The following GALNT17 variants were observed in gnomAD, a reference collection of about 807,000 sequenced individuals.
The protein encoded by GALNT17 is UDP-GalNAc:polypeptide N-acetylgalactosaminyltransferase-like 3.
Under a neutral mutation model 63.7 loss-of-function variants are expected in GALNT17, and 29 were observed. The ratio of observed to expected loss-of-function variants is 0.46; its 90% CI spans 0.34 to 0.62. The LOEUF is 0.62. Ranked by LOEUF, GALNT17 falls within the 20% of genes least tolerant of loss-of-function variation. The probability of loss-of-function intolerance (pLI) is 0.01; values close to 1 mark genes in which losing one functional copy is unlikely to be tolerated. For synonymous variants in GALNT17, 305 were observed against 318.3 expected, an observed-to-expected ratio of 0.96 and a Z score of 0.45; for missense variants, 603 against 799.6, an observed-to-expected ratio of 0.75 and a Z score of 2.97.
chr7:71,435,791 C>T (rs972092391), intron 5 of GALNT17, among the ~76,000 whole-genome samples: 9 of 151,884 alleles, frequency 5.9e-5, no homozygotes, highest in Non-Finnish European at 8.8e-5. Context: ...AGGCCGAGAC[C>T]GGTGGATCAT....
intron 5 of GALNT17, among the ~76,000 whole-genome samples, chr7:71,438,084 G>A (rs1786998339): frequency 6.6e-6 from 1 of 152,082 alleles, no homozygotes; most frequent in Admixed American, 6.6e-5. Flanking sequence ...GTAAAATGGT[G>A]GATTTGGACT....
chr7:71,473,050 G>A (rs978244399), intron 5 of GALNT17, among the ~76,000 whole-genome samples: 10 of 152,190 alleles, frequency 6.6e-5, no homozygotes, highest in South Asian at 2.1e-4. Flanking sequence ...TTGGCTCAGC[G>A]TAAAGAGGCA....
chr7:71,132,561 A>G lies in GALNT17; in HGVS notation c.-242A>G, dbSNP rs2116125528. 4 of 518,558 alleles carry G rather than the reference A, an allele frequency of 7.7e-6. No individual in the cohort carries two copies. Among genetic ancestry groups the G allele is most frequent in the Admixed American group, 3.7e-5 (1 of 27,076 alleles). 32.1% of individuals were successfully genotyped at this position (518,558 alleles called of 1,614,324 possible). ...CGGGGCCGTGCGCCGTGGACTGAGC[A>G]GGCGTCTCGGGGAGCACTTCTGCAG... is the stretch of plus-strand genomic sequence containing the variant. On this transcript the variant is annotated 5_prime_UTR_variant, in exon 1 of 11. Transcript: ENST00000333538.
At chr7:71,695,361 A>G (rs1791524128) in intron 9 of GALNT17, among the ~76,000 whole-genome samples, 1 of 152,192 alleles carries the variant, frequency 6.6e-6, no homozygotes, top group Admixed American at 6.5e-5. Context: ...CTGGAAACAT[A>G]GTGCTTGAAT....
intron 1 of GALNT17, among the ~76,000 whole-genome samples, chr7:71,192,291 T>C (rs1387755465): frequency 6.6e-6 from 1 of 152,114 alleles, no homozygotes; most frequent in Admixed American, 6.6e-5. Context: ...GTTAATCTCC[T>C]TTGGCAACAC....
chr7:71,648,498 AC>A (rs1458963227), intron 6 of GALNT17, among the ~76,000 whole-genome samples: 2 of 151,876 alleles, frequency 1.3e-5, no homozygotes, highest in African/African-American at 4.8e-5. Context: ...CTGGTCTTAA[AC>A]CCCTGACCTC....
intron 1 of GALNT17, among the ~76,000 whole-genome samples, chr7:71,152,026 A>G (rs1434478962): frequency 6.6e-6 from 1 of 152,194 alleles, no homozygotes; most frequent in Non-Finnish European, 1.5e-5. Context: ...TCGGGGAAGA[A>G]TATTTAAGAG....
At chr7:71,503,259 G>T (rs1178778958) in intron 5 of GALNT17, among the ~76,000 whole-genome samples, 2 of 152,050 alleles carry the variant, frequency 1.3e-5, no homozygotes, top group Non-Finnish European at 2.9e-5. Flanking sequence ...TCACTTTTCT[G>T]AGCCAGGGTC....
At chr7:71,343,067 C>G (rs1287476533) in intron 2 of GALNT17, among the ~76,000 whole-genome samples, 2 of 152,184 alleles carry the variant, frequency 1.3e-5, no homozygotes, top group Non-Finnish European at 2.9e-5. Context: ...ACCAGAGAGA[C>G]TGTTGTAAAT....
intron 5 of GALNT17, among the ~76,000 whole-genome samples, chr7:71,518,771 G>A (rs1306010591): frequency 2.6e-5 from 4 of 152,166 alleles, no homozygotes; most frequent in African/African-American, 9.7e-5. Context: ...ACCTTTGCCT[G>A]GAAGGGAGTC....
chr7:71,144,633 T>C (rs953451746), intron 1 of GALNT17, among the ~76,000 whole-genome samples: 2 of 151,084 alleles, frequency 1.3e-5, no homozygotes, highest in African/African-American at 4.9e-5. Flanking sequence ...ACCGAGACAG[T>C]AGGTTTTGTG....
chr7:71,369,387 A>G (rs1792574800), intron 2 of GALNT17, among the ~76,000 whole-genome samples: 1 of 152,170 alleles, frequency 6.6e-6, no homozygotes, highest in Non-Finnish European at 1.5e-5. Flanking sequence ...ATCCACTACC[A>G]TTTCTATAGC....
At chr7:71,201,057 T>C (rs1174858557) in intron 1 of GALNT17, among the ~76,000 whole-genome samples, 1 of 151,926 alleles carries the variant, frequency 6.6e-6, no homozygotes, top group African/African-American at 2.4e-5. Context: ...GGTTTTTCTT[T>C]GTTTTTCTAA....
At chr7:71,141,840 CTGTGTGTGTGTGTGTGTGTGTG>C (rs34121771) in intron 1 of GALNT17, among the ~76,000 whole-genome samples, 1 of 125,078 alleles carries the variant, frequency 8.0e-6, no homozygotes, top group East Asian at 2.4e-4. Flanking sequence ...CCACGTCTGG[CTGTGTGTGTGTGTGTGTGTGTG>C]TGTGTGTGTG....
chr7:71,583,714 C>T (rs535017900), intron 6 of GALNT17, among the ~76,000 whole-genome samples: 2 of 117,436 alleles, frequency 1.7e-5, no homozygotes, highest in South Asian at 3.2e-4. Flanking sequence ...CATGCACATG[C>T]ATGAACACAC....
intron 6 of GALNT17, among the ~76,000 whole-genome samples, chr7:71,574,284 A>G (rs1359984640): frequency 6.6e-6 from 1 of 152,142 alleles, no homozygotes; most frequent in Non-Finnish European, 1.5e-5. Flanking sequence ...GCTGGAATGA[A>G]TGGTCCCTGC....
intron 1 of GALNT17, among the ~76,000 whole-genome samples, chr7:71,137,999 A>G (rs1437111789): frequency 6.6e-6 from 1 of 152,228 alleles, no homozygotes; most frequent in Non-Finnish European, 1.5e-5. Context: ...TCTTGTGTGT[A>G]TTATACACTA....
chr7:71,541,067 C>T (rs149942998), intron 5 of GALNT17, among the ~76,000 whole-genome samples: 1,883 of 151,830 alleles, frequency 0.012, 12 homozygotes, highest in Middle Eastern at 0.024. Flanking sequence ...GGTGAAACCT[C>T]GTCTCTACTA....
chr7:71,625,196 G>A (rs1790354103), intron 6 of GALNT17, among the ~76,000 whole-genome samples: 2 of 151,770 alleles, frequency 1.3e-5, no homozygotes, highest in Non-Finnish European at 2.9e-5. Flanking sequence ...CCAGGCTGGA[G>A]TGCAATAGCA....
Sources: gnomAD v4.1 joint callset for allele counts (sites outside exome capture counted in the v4.1 genomes callset) on GRCh38, gnomAD v4.1.1 for gene constraint, MANE v1.5 for transcripts, NCBI Gene and HGNC (gene_info 2026-07-23, HGNC 2026-07-21) for gene names.